The following NBAS variants were observed in gnomAD, a reference collection of about 807,000 sequenced individuals.
NBAS encodes NAG/BC035112 fusion.
Under a neutral mutation model 302.5 loss-of-function variants are expected in NBAS, and 219 were observed. The observed-to-expected ratio is 0.72, with a 90% CI of 0.65 to 0.81. The LOEUF is 0.81. NBAS is among the 30% of genes least tolerant of loss of function. The probability of loss-of-function intolerance (pLI) is 0.00; values close to 1 mark genes in which losing one functional copy is unlikely to be tolerated. For synonymous variants in NBAS, 1,118 were observed against 1,021.6 expected (o/e 1.09, Z -1.80); for missense variants, 2,932 against 2,841.6 (o/e 1.03, Z -0.72).
chr2:15,265,424 G>A (rs1669034803), intron 44 of NBAS, among the ~76,000 whole-genome samples: 1 of 152,096 alleles, frequency 6.6e-6, no homozygotes, highest in Non-Finnish European at 1.5e-5. Flanking sequence ...ATGAGCTAGG[G>A]TATAGGAAAA....
the NBAS span, among the ~76,000 whole-genome samples, chr2:15,061,188 G>T: frequency 1.3e-5 from 2 of 152,260 alleles, no homozygotes; most frequent in East Asian, 3.9e-4. Flanking sequence ...TTCCATACAT[G>T]CACGTGCTCA....
At chr2:14,858,892 T>C in the NBAS span, among the ~76,000 whole-genome samples, 1 of 152,082 alleles carries the variant, frequency 6.6e-6, no homozygotes, top group African/African-American at 2.4e-5. Flanking sequence ...CCCGATGTGA[T>C]TATTATGCAT....
intron 21 of NBAS, among the ~76,000 whole-genome samples, chr2:15,460,891 A>G (rs895653799): frequency 6.6e-6 from 1 of 152,182 alleles, no homozygotes; most frequent in Non-Finnish European, 1.5e-5. Flanking sequence ...TCTAAAAGAT[A>G]CAACTAACTC....
At chr2:15,259,712 A>G (rs2148011652) in intron 44 of NBAS, among the ~76,000 whole-genome samples, 1 of 152,348 alleles carries the variant, frequency 6.6e-6, no homozygotes, top group South Asian at 2.1e-4. Flanking sequence ...TCATAAAGAC[A>G]TGAGCAGTTT....
rs1226569704 is a variant in NBAS at position 15,533,056 on chromosome 2, AC to A, written c.746+1486del. Among the ~76,000 whole-genome samples, 412 of 152,288 alleles carry A rather than the reference AC, an allele frequency of 2.7e-3. 1 individual carries two copies. The highest frequency in any genetic ancestry group is 8.8e-3 in the African/African-American group (367 of 41,554). ...AGTAACCAGGGAAGTACAAATTAAAACCAGAGTGACATGTTCTTTTACACCT... is the reference window on the plus strand; with the variant it reads ...AGTAACCAGGGAAGTACAAATTAAAACAGAGTGACATGTTCTTTTACACCT... On this transcript the variant is annotated intron_variant, in intron 9 of 51. Coordinates refer to ENST00000281513, the MANE Select transcript of NBAS (RefSeq NM_015909.4).
the NBAS span, among the ~76,000 whole-genome samples, chr2:14,910,547 G>A: frequency 6.6e-6 from 1 of 152,206 alleles, no homozygotes; most frequent in South Asian, 2.1e-4. Flanking sequence ...AAGGAGACAA[G>A]AGGTAGTTGG....
intron 44 of NBAS, among the ~76,000 whole-genome samples, chr2:15,239,208 T>G (rs970366332): frequency 1.3e-5 from 2 of 152,122 alleles, no homozygotes; most frequent in Non-Finnish European, 2.9e-5. Context: ...TTTTGGAATA[T>G]GTTTGTCATA....
chr2:15,335,433 G>T (rs1672538115), intron 35 of NBAS, among the ~76,000 whole-genome samples: 1 of 152,154 alleles, frequency 6.6e-6, no homozygotes, highest in Non-Finnish European at 1.5e-5. Context: ...TTCTAAAGTG[G>T]TTATTACACT....
intron 41 of NBAS, among the ~76,000 whole-genome samples, chr2:15,287,708 G>T (rs1375996345): frequency 2.0e-5 from 3 of 150,174 alleles, no homozygotes; most frequent in Middle Eastern, 3.7e-3. Flanking sequence ...CAGACATCCC[G>T]CATAGGCATC....
At chr2:14,918,052 C>T in the NBAS span, among the ~76,000 whole-genome samples, 5 of 152,084 alleles carry the variant, frequency 3.3e-5, no homozygotes, top group East Asian at 1.9e-4. Flanking sequence ...CTGAGAAGGA[C>T]GGGTGCTCCA....
chr2:15,098,457 A>ATTATATATTGCATATAATATG, the NBAS span, among the ~76,000 whole-genome samples: 10 of 93,960 alleles, frequency 1.1e-4, no homozygotes, highest in Middle Eastern at 8.8e-3. Flanking sequence ...TATATTATAT[A>ATTATATATTGCATATAATATG]TTATATATTG....
intron 48 of NBAS, among the ~76,000 whole-genome samples, chr2:15,218,522 T>A (rs1353129266): frequency 6.6e-6 from 1 of 152,144 alleles, no homozygotes; most frequent in Non-Finnish European, 1.5e-5. Context: ...CTCCCAGGTT[T>A]AAGCGATTCT....
intron 6 of NBAS, among the ~76,000 whole-genome samples, chr2:15,541,206 T>C (rs1475718533): frequency 6.6e-6 from 1 of 152,230 alleles, no homozygotes; most frequent in Non-Finnish European, 1.5e-5. Flanking sequence ...TATTGTTGTT[T>C]ACCTATTTGC....
At chr2:15,416,718 A>C (rs1431249521) in intron 24 of NBAS, among the ~76,000 whole-genome samples, 1 of 151,766 alleles carries the variant, frequency 6.6e-6, no homozygotes, top group Non-Finnish European at 1.5e-5. Flanking sequence ...AGGCAGGAGA[A>C]TCGCTTGAAC....
the NBAS span, among the ~76,000 whole-genome samples, chr2:15,025,002 A>G: frequency 2.6e-5 from 4 of 152,158 alleles, no homozygotes; most frequent in African/African-American, 7.2e-5. Context: ...CTTCTGTTGC[A>G]ATTGCTTTTG....
chr2:15,352,758 T>C (rs1340722203), intron 34 of NBAS, among the ~76,000 whole-genome samples: 1 of 152,154 alleles, frequency 6.6e-6, no homozygotes, highest in East Asian at 1.9e-4. Flanking sequence ...ACTCCACCAT[T>C]TTGCCTCTTA....
At chr2:15,191,840 C>T (rs930384293) in intron 48 of NBAS, among the ~76,000 whole-genome samples, 8 of 152,282 alleles carry the variant, frequency 5.3e-5, no homozygotes, top group Non-Finnish European at 7.3e-5. Flanking sequence ...TCCATCCATC[C>T]GTAATTCTCC....
At chr2:15,295,466 T>C (rs1670504834) in intron 40 of NBAS, among the ~76,000 whole-genome samples, 1 of 152,226 alleles carries the variant, frequency 6.6e-6, no homozygotes, top group Non-Finnish European at 1.5e-5. Context: ...ATGAACTTCA[T>C]TGTCTCATCT....
At position 15,208,617 on chromosome 2, in the gene NBAS, C is replaced by T. The variant is rs183549067; in HGVS notation, c.6432+10156G>A. ...GAGAATATACTTCTTTTCCTCAGCA[C>T]ATGGATCATTCTCAAGGACAGACTA... is the stretch of plus-strand genomic sequence containing the variant. On this transcript the variant is annotated intron_variant, in intron 48 of 51. Transcript: ENST00000281513. 2.0e-4 allele frequency among the ~76,000 whole-genome samples: 30 copies of T among 152,138 alleles called. No homozygotes were observed. The East Asian group carries it at 2.9e-3, about 15-fold the overall frequency.
Sources: gnomAD v4.1 joint callset for allele counts (sites outside exome capture counted in the v4.1 genomes callset) on GRCh38, gnomAD v4.1.1 for gene constraint, MANE v1.5 for transcripts, NCBI Gene and HGNC (gene_info 2026-07-23, HGNC 2026-07-21) for gene names.